Variants in UNC13B observed in about 807,000 individuals in gnomAD.
UNC13B encodes the protein protein unc-13 homolog B.
A neutral mutation model predicts 211.0 loss-of-function variants in UNC13B; 144 were observed. The observed-to-expected ratio is 0.68, with a 90% CI of 0.60 to 0.78. The LOEUF is 0.78. Ranked by LOEUF, UNC13B falls within the 30% of genes least tolerant of loss-of-function variation. The probability of loss-of-function intolerance (pLI) is 0.00; values close to 1 mark genes in which losing one functional copy is unlikely to be tolerated. For synonymous variants in UNC13B, 709 were observed against 725.8 expected, an observed-to-expected ratio of 0.98 and a Z score of 0.37; for missense variants, 1,777 against 2,002.0, an observed-to-expected ratio of 0.89 and a Z score of 2.14.
rs112816365 is a variant in UNC13B at position 35,378,536 on chromosome 9, G to A, written c.10205+100G>A. 9.9e-4 allele frequency: 1,491 copies of A among 1,502,560 alleles called. 20 individuals are homozygous for A. In the African/African-American group the frequency reaches 0.015, roughly 16 times the overall value. 93.1% of individuals were successfully genotyped at this position (1,502,560 alleles called of 1,614,324 possible). Reference sequence around the variant, plus strand: ...GCTTGAGCTTGAAGATTGGGCAAAGGCAGGGGAGAAAACTCATTTCTCGCA... The same window carrying A: ...GCTTGAGCTTGAAGATTGGGCAAAGACAGGGGAGAAAACTCATTTCTCGCA... On this transcript the variant is annotated intron_variant, in intron 17 of 39. Coordinates refer to ENST00000635942, the MANE Select transcript of UNC13B (RefSeq NM_001371189.2).
rs1490584501 is a variant in UNC13B, at chr9:35,399,742, C to G, written c.12336+13C>G. On this transcript the variant is annotated intron_variant, in intron 36 of 39. Transcript: ENST00000635942. ...GGACACCATCAAGGTGGAGGCCCCC[C>G]CTTTTTCAGACAGTCTTAACCACCA... The G allele has an allele frequency of 1.2e-6, 2 of 1,613,908 alleles. No homozygotes were observed. Among genetic ancestry groups the G allele is most frequent in the Non-Finnish European group, 8.5e-7 (1 of 1,179,858 alleles).
intron 11 of UNC13B, among the ~76,000 whole-genome samples, chr9:35,327,783 C>G (rs530413102): frequency 2.6e-5 from 4 of 152,206 alleles, no homozygotes; most frequent in Non-Finnish European, 5.9e-5. Flanking sequence ...TGTTCTGGAG[C>G]ATTGCAGCCA....
chr9:35,403,267 A>G lies in UNC13B; in HGVS notation c.12577+8A>G. 1.2e-6 allele frequency: 2 copies of G among 1,613,946 alleles called. No homozygotes were observed. Among genetic ancestry groups the G allele is most frequent in the Non-Finnish European group, 1.7e-6 (2 of 1,179,860 alleles). On this transcript the variant is annotated splice_region_variant and intron_variant, in intron 38 of 39. Transcript: ENST00000635942. ...ACAAGGTCACAGTGAAAGGTGAGTG[A>G]TGGACTTACAGGTCTGCCCTTTCCT...
At chr9:35,246,538 G>A (rs1343663492) in intron 6 of UNC13B, among the ~76,000 whole-genome samples, 1 of 152,168 alleles carries the variant, frequency 6.6e-6, no homozygotes, top group African/African-American at 2.4e-5. Flanking sequence ...TAAGGTGTAA[G>A]GAAGGGATCC....
At chr9:35,318,736 A>G (rs1830588200) in intron 11 of UNC13B, among the ~76,000 whole-genome samples, 1 of 152,262 alleles carries the variant, frequency 6.6e-6, no homozygotes, top group South Asian at 2.1e-4. Context: ...TTACAAATGA[A>G]TAACCTTGTA....
chr9:35,318,888 T>C (rs566656256), intron 11 of UNC13B, among the ~76,000 whole-genome samples: 3 of 151,980 alleles, frequency 2.0e-5, no homozygotes, highest in African/African-American at 7.2e-5. Context: ...CATCAAGGAG[T>C]TTTGCTTTAA....
chr9:35,257,504 C>T (rs1257611781), intron 6 of UNC13B, among the ~76,000 whole-genome samples: 1 of 136,850 alleles, frequency 7.3e-6, no homozygotes, highest in Non-Finnish European at 1.5e-5. Context: ...TTGTTTGAAC[C>T]CAGGAGGCGA....
At chr9:35,201,470 T>C (rs2131376778) in intron 1 of UNC13B, among the ~76,000 whole-genome samples, 1 of 152,300 alleles carries the variant, frequency 6.6e-6, no homozygotes, top group South Asian at 2.1e-4. Context: ...GGTCCTGGAC[T>C]TTTTTTGGTT....
At chr9:35,253,803 A>G (rs916865801) in intron 6 of UNC13B, among the ~76,000 whole-genome samples, 2 of 152,116 alleles carry the variant, frequency 1.3e-5, no homozygotes, top group African/African-American at 4.8e-5. Flanking sequence ...TATTTGACAG[A>G]GTCTCTGGGT....
chr9:35,392,912 TACAATA>T (rs1835631514), intron 26 of UNC13B, among the ~76,000 whole-genome samples: 1 of 152,088 alleles, frequency 6.6e-6, no homozygotes, highest in African/African-American at 2.4e-5. Flanking sequence ...TTATAGACAA[TACAATA>T]AGACCACTTT....
intron 11 of UNC13B, among the ~76,000 whole-genome samples, chr9:35,347,744 GC>G (rs1264154961): frequency 1.3e-5 from 2 of 152,210 alleles, no homozygotes; most frequent in African/African-American, 2.4e-5. Context: ...AGCTGCTATG[GC>G]AGCTCTAGTT....
intron 1 of UNC13B, among the ~76,000 whole-genome samples, chr9:35,175,701 T>G (rs796704405): frequency 2.0e-5 from 3 of 152,238 alleles, no homozygotes; most frequent in African/African-American, 7.2e-5. Context: ...TCAGAAGTTC[T>G]GCAGTGAAGA....
chr9:35,315,242 G>A (rs1830392387), intron 11 of UNC13B, among the ~76,000 whole-genome samples: 1 of 151,700 alleles, frequency 6.6e-6, no homozygotes, highest in African/African-American at 2.4e-5. Context: ...TATGGGTGCA[G>A]GTATCTTTTT....
chr9:35,214,520 A>G (rs1372334506), intron 1 of UNC13B, among the ~76,000 whole-genome samples: 1 of 152,178 alleles, frequency 6.6e-6, no homozygotes, highest in Non-Finnish European at 1.5e-5. Context: ...CTCAAGGGAA[A>G]AGTTAAACAA....
intron 24 of UNC13B, 93 bp from the exon 25 acceptor site, chr9:35,389,753 A>C: frequency 7.2e-7 from 1 of 1,385,724 alleles, no homozygotes; most frequent in Non-Finnish European, 1.0e-6. Context: ...GAAGAGGTAT[A>C]GGAAGGGGAA....
intron 11 of UNC13B, among the ~76,000 whole-genome samples, chr9:35,335,143 C>A (rs1050883542): frequency 6.6e-6 from 1 of 152,182 alleles, no homozygotes; most frequent in African/African-American, 2.4e-5. Flanking sequence ...TGCCACAGGA[C>A]TTTAAGGAAC....
rs1554701346 is a variant in UNC13B, at chr9:35,313,673, T to TAAAA, written c.9324-225_9324-222dup. 1.4e-3 allele frequency among the ~76,000 whole-genome samples: 206 copies of TAAAA among 144,926 alleles called. 1 individual carries two copies. In the Middle Eastern group the frequency reaches 0.025, roughly 18 times the overall value. ...ATAAATAAATAAATAAATAAATAAA[T>TAAAA]AAAAGAGGGAACAGATGAGAAGCTA... is the stretch of plus-strand genomic sequence containing the variant. On this transcript the variant is annotated intron_variant, in intron 10 of 39. Coordinates refer to ENST00000635942, the MANE Select transcript of UNC13B (RefSeq NM_001371189.2).
chr9:35,190,809 A>G (rs1822616126), intron 1 of UNC13B, among the ~76,000 whole-genome samples: 1 of 152,236 alleles, frequency 6.6e-6, no homozygotes, highest in African/African-American at 2.4e-5. Context: ...GCACTCTTTC[A>G]GAAAATCCTT....
chr9:35,270,395 T>C (rs1269287296), intron 7 of UNC13B, among the ~76,000 whole-genome samples: 1 of 151,950 alleles, frequency 6.6e-6, no homozygotes, highest in African/African-American at 2.4e-5. Flanking sequence ...CACATATATA[T>C]ACACATATAT....
Sources: gnomAD v4.1 joint callset for allele counts (sites outside exome capture counted in the v4.1 genomes callset) on GRCh38, gnomAD v4.1.1 for gene constraint, MANE v1.5 for transcripts, NCBI Gene and HGNC (gene_info 2026-07-23, HGNC 2026-07-21) for gene names.